BCL2L11: variants seen among roughly 807,000 people sequenced by gnomAD.
BCL2L11 encodes the protein BCL2 like 11.
Under a neutral mutation model 20.6 loss-of-function variants are expected in BCL2L11, and 15 were observed. The observed-to-expected ratio is 0.73, with a 90% CI of 0.49 to 1.12. The LOEUF (loss-of-function observed/expected upper bound fraction) is 1.12, where lower values mean the gene tolerates loss of function less well. Among genes scored for constraint, BCL2L11 ranks in the 50% most tolerant of loss-of-function variants. The pLI is 0.00. For missense variants in BCL2L11, 292 were observed against 260.9 expected, an observed-to-expected ratio of 1.12 and a Z score of -0.82; for synonymous variants, 108 against 92.8, an observed-to-expected ratio of 1.16 and a Z score of -0.94.
At chr2:111,153,262 CCAG>C (rs1258168347) in intron 3 of BCL2L11, among the ~76,000 whole-genome samples, 1 of 151,936 alleles carries the variant, frequency 6.6e-6, no homozygotes, top group African/African-American at 2.4e-5. Flanking sequence ...GCCTGTAATC[CCAG>C]CTACTCGGGA....
intron 2 of BCL2L11, among the ~76,000 whole-genome samples, chr2:111,125,343 G>T (rs181853836): frequency 2.0e-5 from 3 of 152,120 alleles, no homozygotes; most frequent in East Asian, 3.9e-4. Flanking sequence ...TGTGTTGATC[G>T]ACTTGCTGTT....
At chr2:111,129,353 A>G (rs1574938994) in intron 2 of BCL2L11, among the ~76,000 whole-genome samples, 1 of 152,238 alleles carries the variant, frequency 6.6e-6, no homozygotes, top group African/African-American at 2.4e-5. Context: ...GGGGAGAGAA[A>G]GTGCTAGAAG....
intron 2 of BCL2L11, chr2:111,130,287 T>C (rs1210509832): frequency 3.6e-6 from 1 of 277,028 alleles, no homozygotes; most frequent in Non-Finnish European, 7.2e-6. Context: ...GTATTTTTAT[T>C]AGAGATGGGT....
At chr2:111,153,243 G>A (rs1559076385) in intron 3 of BCL2L11, among the ~76,000 whole-genome samples, 2 of 152,130 alleles carry the variant, frequency 1.3e-5, no homozygotes, top group Non-Finnish European at 2.9e-5. Flanking sequence ...GCTGGGTGTG[G>A]TGGTGGGTGC....
chr2:111,156,640 G>C (rs769005266), intron 3 of BCL2L11, among the ~76,000 whole-genome samples: 1 of 152,106 alleles, frequency 6.6e-6, no homozygotes. Context: ...AAACAAGCGC[G>C]TTCTGTTACT....
intron 2 of BCL2L11, among the ~76,000 whole-genome samples, chr2:111,136,650 C>T (rs763856716): frequency 2.6e-5 from 4 of 152,148 alleles, no homozygotes; most frequent in Non-Finnish European, 5.9e-5. Context: ...GCCACTTAGA[C>T]GGCACCTTCG....
chr2:111,156,643 C>G (rs1028194905), intron 3 of BCL2L11, among the ~76,000 whole-genome samples: 2 of 152,066 alleles, frequency 1.3e-5, no homozygotes, highest in Non-Finnish European at 2.9e-5. Context: ...CAAGCGCGTT[C>G]TGTTACTCGT....
intron 1 of BCL2L11, chr2:111,122,507 AC>A: frequency 1.5e-6 from 1 of 682,898 alleles, no homozygotes; most frequent in Non-Finnish European, 1.8e-6. Flanking sequence ...CGCCGCCCCC[AC>A]CGCGGCTGCC....
intron 1 of BCL2L11, 45 bp from the exon 2 acceptor site, chr2:111,123,688 T>A: frequency 7.5e-7 from 1 of 1,337,630 alleles, no homozygotes; most frequent in Non-Finnish European, 9.7e-7. Context: ...ATTCATCGAT[T>A]TTTTTTTTTG....
chr2:111,123,567 A>G (rs1418363859), intron 1 of BCL2L11, 166 bp from the exon 2 acceptor site: 1 of 973,708 alleles, frequency 1.0e-6, no homozygotes, highest in Non-Finnish European at 1.2e-6. Flanking sequence ...TTACACCTTT[A>G]TTATTTTAGG....
Position 111,161,478 on chromosome 2 carries a change from C to T in BCL2L11, c.499-2655C>T, listed in dbSNP as rs560397679. On this transcript the variant is annotated intron_variant, in intron 3 of 3. Transcript: ENST00000393256. ...AGACGCAGACTTATTGGACACTAGGCGGGAGGCCAGCTCTGCAGACAGCAG... is the reference window on the plus strand; with the variant it reads ...AGACGCAGACTTATTGGACACTAGGTGGGAGGCCAGCTCTGCAGACAGCAG... 11 of 1,550,306 alleles carry T rather than the reference C, an allele frequency of 7.1e-6. No homozygotes were observed. In the Admixed American group the frequency reaches 7.8e-5, roughly 11 times the overall value.
intron 2 of BCL2L11, 26 bp downstream of exon 2, chr2:111,124,165 G>A (rs2150146028): frequency 6.4e-7 from 1 of 1,573,244 alleles, no homozygotes; most frequent in Non-Finnish European, 8.6e-7. Flanking sequence ...GTAAGAGGCA[G>A]TTGACGTGTG....
intron 2 of BCL2L11, among the ~76,000 whole-genome samples, chr2:111,129,178 G>A (rs1433032073): frequency 6.6e-6 from 1 of 152,112 alleles, no homozygotes. Context: ...TGGTATATTC[G>A]GACTTCAAAA....
At chr2:111,133,588 T>C (rs534513008) in intron 2 of BCL2L11, among the ~76,000 whole-genome samples, 2 of 152,320 alleles carry the variant, frequency 1.3e-5, no homozygotes, top group African/African-American at 2.4e-5. Context: ...GCATATTTTA[T>C]TCTATTTCGG....
rs1435076811 is a variant in BCL2L11 at position 111,166,636 on chromosome 2, A to C, written c.*2405A>C. The C allele has an allele frequency of 6.6e-6, 1 of 152,536 alleles. No individual in the cohort carries two copies. Among genetic ancestry groups the C allele is most frequent in the Non-Finnish European group, 1.5e-5 (1 of 68,008 alleles). 9.4% of individuals were successfully genotyped at this position (152,536 alleles called of 1,614,324 possible). On this transcript the variant is annotated 3_prime_UTR_variant, in exon 4 of 4. Transcript: ENST00000393256. ...TTACTGCAGGTTTTGTGCCTTGACA[A>C]CCTCTCCCTATGTGAGGTTTGTAAA...
At chr2:111,121,395 G>A (rs2070871767) in intron 1 of BCL2L11, among the ~76,000 whole-genome samples, 1 of 152,108 alleles carries the variant, frequency 6.6e-6, no homozygotes, top group South Asian at 2.1e-4. Context: ...AGTCGTTCAC[G>A]CGGAACCTGC....
intron 2 of BCL2L11, among the ~76,000 whole-genome samples, chr2:111,148,974 C>T (rs963570361): frequency 1.3e-5 from 2 of 152,136 alleles, no homozygotes; most frequent in African/African-American, 2.4e-5. Context: ...ATCCTATTAT[C>T]GTAGGTTTTT....
chr2:111,126,553 C>T (rs1166754533), intron 2 of BCL2L11, among the ~76,000 whole-genome samples: 1 of 152,002 alleles, frequency 6.6e-6, no homozygotes, highest in African/African-American at 2.4e-5. Flanking sequence ...GAGGAAAGGA[C>T]TTAGCCAGAT....
At chr2:111,123,184 G>C in intron 1 of BCL2L11, 1 of 985,472 alleles carries the variant, frequency 1.0e-6, no homozygotes, top group Non-Finnish European at 1.2e-6. Flanking sequence ...GAGCCGGGCC[G>C]AGCCGCGCTG....
Sources: gnomAD v4.1 joint callset for allele counts (sites outside exome capture counted in the v4.1 genomes callset) on GRCh38, gnomAD v4.1.1 for gene constraint, MANE v1.5 for transcripts, NCBI Gene and HGNC (gene_info 2026-07-23, HGNC 2026-07-21) for gene names.